The following RGS7 variants were observed in gnomAD, a reference collection of about 807,000 sequenced individuals.
The protein encoded by RGS7 is regulator of G protein signaling 7, also known as regulator of G-protein signaling 7.
RGS7 carries 27 observed loss-of-function variants against 81.1 expected under a neutral mutation model. The observed-to-expected ratio is 0.33, with a 90% CI of 0.25 to 0.46. RGS7 has a LOEUF of 0.46. RGS7 is among the 20% of genes least tolerant of loss of function. The pLI is 1.00. For synonymous variants in RGS7, 208 were observed against 207.7 expected, an observed-to-expected ratio of 1.00 and a Z score of -0.01; for missense variants, 396 against 607.4, an observed-to-expected ratio of 0.65 and a Z score of 3.66.
chr1:241,035,831 GCTTT>G (rs1490562980), intron 3 of RGS7, among the ~76,000 whole-genome samples: 6 of 152,128 alleles, frequency 3.9e-5, no homozygotes, highest in African/African-American at 1.4e-4. Context: ...GCAAATGTAA[GCTTT>G]CTTCAAAATT....
intron 4 of RGS7, among the ~76,000 whole-genome samples, chr1:240,959,849 T>C (rs573750936): frequency 6.6e-6 from 1 of 152,268 alleles, no homozygotes; most frequent in East Asian, 1.9e-4. Context: ...CACGCTTAAA[T>C]ACATTTGGAG....
At chr1:240,921,821 T>A (rs1260328057) in intron 6 of RGS7, among the ~76,000 whole-genome samples, 1 of 152,062 alleles carries the variant, frequency 6.6e-6, no homozygotes, top group Non-Finnish European at 1.5e-5. Context: ...AAGATGTGAG[T>A]TCTTTCCAAC....
At chr1:240,907,100 A>C (rs1238101428) in intron 6 of RGS7, among the ~76,000 whole-genome samples, 1 of 152,030 alleles carries the variant, frequency 6.6e-6, no homozygotes, top group African/African-American at 2.4e-5. Context: ...CTTTACCTGA[A>C]ACTGTTGAAT....
intron 9 of RGS7, among the ~76,000 whole-genome samples, chr1:240,844,634 G>T (rs1342234722): frequency 6.6e-6 from 1 of 152,192 alleles, no homozygotes; most frequent in Admixed American, 6.5e-5. Context: ...AGAAAGAGCA[G>T]ACAGAAGATG....
chr1:240,826,998 A>C, intron 10 of RGS7, 100 bp downstream of exon 10: 1 of 976,706 alleles, frequency 1.0e-6, no homozygotes, highest in Non-Finnish European at 1.7e-6. Context: ...GAAGAGTGGG[A>C]AAGATACTGC....
chr1:240,797,082 CA>C (rs1687195606), intron 18 of RGS7, among the ~76,000 whole-genome samples: 1 of 152,316 alleles, frequency 6.6e-6, no homozygotes, highest in African/African-American at 2.4e-5. Flanking sequence ...CACACAAAGA[CA>C]AAACCAGTGT....
intron 2 of RGS7, among the ~76,000 whole-genome samples, chr1:241,125,940 T>C (rs2066627236): frequency 6.6e-6 from 1 of 152,136 alleles, no homozygotes; most frequent in African/African-American, 2.4e-5. Flanking sequence ...AGTGCGCAGA[T>C]GGAGCCCAGA....
At position 240,844,912 on chromosome 1, in the gene RGS7, A is replaced by G. The variant is rs564594128; in HGVS notation, c.610-17740T>C. On this transcript the variant is annotated intron_variant, in intron 9 of 18. Coordinates refer to ENST00000440928, the MANE Select transcript of RGS7 (RefSeq NM_001364886.1). ...ATGGGCTGATTTGAACTTAAGAACA[A>G]AAAGCTTGCACAGTTCCTATTGATT... 7.9e-5 allele frequency among the ~76,000 whole-genome samples: 12 copies of G among 152,360 alleles called. No individual in the cohort carries two copies. The South Asian group carries it at 2.3e-3, about 29-fold the overall frequency.
intron 2 of RGS7, among the ~76,000 whole-genome samples, chr1:241,307,345 G>C (rs181098655): frequency 6.6e-6 from 1 of 152,328 alleles, no homozygotes; most frequent in Admixed American, 6.5e-5. Flanking sequence ...GGAGTTCAAT[G>C]TAACCACTGT....
At chr1:241,253,391 A>G (rs2076921167) in intron 2 of RGS7, among the ~76,000 whole-genome samples, 4 of 152,100 alleles carry the variant, frequency 2.6e-5, no homozygotes. Flanking sequence ...ACGTGTGCCC[A>G]CTTCTTCCTT....
At chr1:240,823,066 A>G (rs1025619103) in intron 10 of RGS7, 3 of 741,928 alleles carry the variant, frequency 4.0e-6, no homozygotes, top group Non-Finnish European at 4.8e-6. Context: ...AGCCTCCTCA[A>G]TGTCACCTGG....
chr1:240,981,963 A>G (rs1228799904), intron 4 of RGS7, among the ~76,000 whole-genome samples: 1 of 152,230 alleles, frequency 6.6e-6, no homozygotes, highest in Non-Finnish European at 1.5e-5. Flanking sequence ...TGTGTTACAT[A>G]GGTTGGCATA....
intron 18 of RGS7, among the ~76,000 whole-genome samples, chr1:240,777,450 T>C (rs1683166261): frequency 6.6e-6 from 1 of 152,224 alleles, no homozygotes; most frequent in Non-Finnish European, 1.5e-5. Context: ...GAAACATATA[T>C]TTTAGTAATA....
chr1:240,833,783 T>C (rs1476315430), intron 9 of RGS7, among the ~76,000 whole-genome samples: 1 of 152,118 alleles, frequency 6.6e-6, no homozygotes, highest in Non-Finnish European at 1.5e-5. Flanking sequence ...TAACTATAGA[T>C]TTTAAAGTGT....
At chr1:241,088,807 C>T (rs1049017989) in intron 3 of RGS7, among the ~76,000 whole-genome samples, 3 of 151,440 alleles carry the variant, frequency 2.0e-5, no homozygotes, top group Admixed American at 1.3e-4. Context: ...GTCAGGAGAT[C>T]GAGACCATCC....
intron 11 of RGS7, among the ~76,000 whole-genome samples, 163 bp from the exon 12 acceptor site, chr1:240,814,940 A>C (rs1002653134): frequency 2.6e-5 from 4 of 152,162 alleles, no homozygotes; most frequent in Non-Finnish European, 5.9e-5. Flanking sequence ...TTAAAGAGTT[A>C]ACAAAATGAA....
At chr1:241,012,227 A>T (rs1474899523) in intron 3 of RGS7, among the ~76,000 whole-genome samples, 1 of 152,168 alleles carries the variant, frequency 6.6e-6, no homozygotes, top group East Asian at 1.9e-4. Context: ...AGAGGGCAAC[A>T]CGCAGATACA....
intron 9 of RGS7, among the ~76,000 whole-genome samples, chr1:240,863,302 C>A (rs1034390175): frequency 6.6e-6 from 1 of 151,924 alleles, no homozygotes; most frequent in Non-Finnish European, 1.5e-5. Flanking sequence ...GGTGAAACCC[C>A]GTCTCTACTA....
chr1:241,048,208 T>C (rs2061049345), intron 3 of RGS7, among the ~76,000 whole-genome samples: 1 of 152,156 alleles, frequency 6.6e-6, no homozygotes, highest in African/African-American at 2.4e-5. Flanking sequence ...GATCCGTCTA[T>C]GTTCGTAACC....
Sources: gnomAD v4.1 joint callset for allele counts (sites outside exome capture counted in the v4.1 genomes callset) on GRCh38, gnomAD v4.1.1 for gene constraint, MANE v1.5 for transcripts, NCBI Gene and HGNC (gene_info 2026-07-23, HGNC 2026-07-21) for gene names.